The following ANXA6 variants were observed in gnomAD, a reference collection of about 807,000 sequenced individuals.
ANXA6 encodes 67 kDa calelectrin.
In ANXA6, 71 loss-of-function variants were observed where a neutral mutation model predicts 95.4. The observed-to-expected ratio is 0.74, with a 90% CI of 0.61 to 0.91. The LOEUF (loss-of-function observed/expected upper bound fraction) is 0.91, where lower values mean the gene tolerates loss of function less well. Among genes scored for constraint, ANXA6 ranks in the 40% least tolerant of loss-of-function variants. The pLI, the probability that ANXA6 is intolerant of heterozygous loss-of-function variation, is 0.00. For missense variants in ANXA6, 830 were observed against 876.4 expected (o/e 0.95, Z 0.67); for synonymous variants, 289 against 315.9 (o/e 0.91, Z 0.90).
intron 21 of ANXA6, among the ~76,000 whole-genome samples, chr5:151,110,048 C>A (rs2303020): frequency 2.0e-5 from 3 of 152,084 alleles, no homozygotes; most frequent in East Asian, 3.9e-4. Flanking sequence ...CACAAGGACC[C>A]TGTGAACTGA....
intron 2 of ANXA6, among the ~76,000 whole-genome samples, chr5:151,145,129 T>C (rs542841504): frequency 5.9e-5 from 9 of 152,248 alleles, no homozygotes; most frequent in Non-Finnish European, 1.0e-4. Flanking sequence ...CACCCTGAAA[T>C]ATTCAGCAGG....
At chr5:151,153,803 G>A (rs1561588106) in intron 1 of ANXA6, among the ~76,000 whole-genome samples, 1 of 152,156 alleles carries the variant, frequency 6.6e-6, no homozygotes, top group Non-Finnish European at 1.5e-5. Flanking sequence ...CAATACAAAT[G>A]TGTCTTTTGA....
At chr5:151,152,341 T>C (rs771161881) in intron 1 of ANXA6, among the ~76,000 whole-genome samples, 8 of 152,196 alleles carry the variant, frequency 5.3e-5, no homozygotes, top group South Asian at 2.1e-4. Context: ...ACATTTACAA[T>C]GGAGGCAATG....
In ANXA6 at chr5:151,119,882, A is replaced by C. The variant is rs1456471679; in HGVS notation, c.1348-492T>G. Among the ~76,000 whole-genome samples the C allele has an allele frequency of 5.3e-5, 8 of 152,216 alleles. No individual in the cohort carries two copies. In the East Asian group the frequency reaches 9.7e-4, roughly 18 times the overall value. ...AGTTTTGTGCTTAAGATAAAATGCT[A>C]AATTTTTTTTCTTTTGAGACAGAGT... is the stretch of plus-strand genomic sequence containing the variant. On this transcript the variant is annotated intron_variant, in intron 17 of 25. Coordinates refer to ENST00000354546, the MANE Select transcript of ANXA6 (RefSeq NM_001155.5).
At chr5:151,104,035 T>A (rs1764623676) in intron 24 of ANXA6, among the ~76,000 whole-genome samples, 1 of 152,122 alleles carries the variant, frequency 6.6e-6, no homozygotes, top group Non-Finnish European at 1.5e-5. Flanking sequence ...ACCAATATCT[T>A]TAGAAGAGGG....
At chr5:151,116,570 C>T (rs1194343201) in intron 20 of ANXA6, among the ~76,000 whole-genome samples, 1 of 152,242 alleles carries the variant, frequency 6.6e-6, no homozygotes, top group East Asian at 1.9e-4. Flanking sequence ...AACCCTTTTC[C>T]CTGCTATTCA....
chr5:151,117,257 T>A, intron 19 of ANXA6, 77 bp from the exon 20 acceptor site: 1 of 1,385,124 alleles, frequency 7.2e-7, no homozygotes, highest in Non-Finnish European at 9.8e-7. Context: ...CACACCCTGC[T>A]CATTTTCACC....
At chr5:151,120,713 C>T (rs1260233893) in intron 17 of ANXA6, among the ~76,000 whole-genome samples, 19 of 151,662 alleles carry the variant, frequency 1.3e-4, no homozygotes, top group Admixed American at 9.8e-4. Context: ...AGCGAGACTC[C>T]GTCTCAAAAA....
In ANXA6 at chr5:151,128,150, C is replaced by T. The variant is rs755767200; in HGVS notation, c.977+31G>A. 5.0e-6 allele frequency: 8 copies of T among 1,598,570 alleles called. No individual in the cohort carries two copies. In the East Asian group the frequency reaches 1.8e-4, roughly 36 times the overall value. ...CCCCGCCTGGCACCCCAAGGCCATG[C>T]CCTCCAGCCAGGGGCCAAGAAGCCA... On this transcript the variant is annotated intron_variant, in intron 13 of 25. Transcript: ENST00000354546.
At chr5:151,126,555 C>T (rs1765323862) in intron 13 of ANXA6, 75 bp from the exon 14 acceptor site, 6 of 793,568 alleles carry the variant, frequency 7.6e-6, no homozygotes, top group Non-Finnish European at 1.2e-5. Context: ...CACACACACA[C>T]ACACACACAC....
intron 11 of ANXA6, 80 bp downstream of exon 11, chr5:151,131,151 G>T: frequency 6.7e-7 from 1 of 1,481,572 alleles, no homozygotes; most frequent in Non-Finnish European, 9.4e-7. Context: ...GCTCTCTTTG[G>T]CCACTGGATC....
intron 25 of ANXA6, 31 bp downstream of exon 25, chr5:151,103,539 C>A (rs1437274106): frequency 1.3e-6 from 2 of 1,593,580 alleles, no homozygotes; most frequent in Non-Finnish European, 1.7e-6. Context: ...CACTCACCCG[C>A]TTCCTGCTAA....
Position 151,140,137 on chromosome 5 carries a change from G to A in ANXA6, c.109+16C>T. On this transcript the variant is annotated intron_variant, in intron 3 of 25. Transcript: ENST00000354546. ...TGGGGGATACCCCTCAAGCTCCCAT[G>A]AAGCCTGGCACCCACCAAAGCCCTT... is the stretch of plus-strand genomic sequence containing the variant. 2 of 1,613,156 alleles carry A rather than the reference G, an allele frequency of 1.2e-6. No individual in the cohort carries two copies. Among genetic ancestry groups the A allele is most frequent in the Non-Finnish European group, 1.7e-6 (2 of 1,179,310 alleles).
intron 5 of ANXA6, 109 bp downstream of exon 5, chr5:151,138,569 A>G: frequency 1.4e-6 from 1 of 716,684 alleles, no homozygotes; most frequent in Non-Finnish European, 2.5e-6. Context: ...TTGAAGCAGG[A>G]CACATGTGCT....
intron 24 of ANXA6, among the ~76,000 whole-genome samples, chr5:151,103,894 T>C (rs1764620052): frequency 6.6e-6 from 1 of 152,202 alleles, no homozygotes; most frequent in African/African-American, 2.4e-5. Flanking sequence ...AAAAAAGATG[T>C]GTGTGGGTTG....
chr5:151,122,299 C>G, intron 16 of ANXA6, 39 bp from the exon 17 acceptor site: 1 of 1,235,278 alleles, frequency 8.1e-7, no homozygotes, highest in Non-Finnish European at 1.2e-6. Context: ...AACATCAGCA[C>G]TTGCCCACAC....
chr5:151,149,164 G>C (rs1296134359), intron 1 of ANXA6, among the ~76,000 whole-genome samples: 1 of 140,788 alleles, frequency 7.1e-6, no homozygotes, highest in Non-Finnish European at 1.5e-5. Flanking sequence ...CTGGGTGACA[G>C]GGCAAGCCCT....
Position 151,100,941 on chromosome 5 carries a change from T to C in ANXA6, c.*507A>G. 1 of 456,686 alleles carries C rather than the reference T, an allele frequency of 2.2e-6. No individual in the cohort carries two copies. Among genetic ancestry groups the C allele is most frequent in the South Asian group, 1.5e-5 (1 of 64,574 alleles). 28.3% of individuals were successfully genotyped at this position (456,686 alleles called of 1,614,324 possible). A position where few individuals can be genotyped will look rare whatever the true frequency, so the allele number is the denominator to read the frequency against. Reference sequence around the variant, plus strand: ...ATTTGAACCCAGGCATCCAAATTCCTGGTCCAGTACTCTAGCGCGGCCTGG... The same window carrying C: ...ATTTGAACCCAGGCATCCAAATTCCCGGTCCAGTACTCTAGCGCGGCCTGG... On this transcript the variant is annotated 3_prime_UTR_variant, in exon 26 of 26. Transcript: ENST00000354546.
At chr5:151,152,369 C>A (rs1766128499) in intron 1 of ANXA6, among the ~76,000 whole-genome samples, 1 of 152,182 alleles carries the variant, frequency 6.6e-6, no homozygotes, top group African/African-American at 2.4e-5. Flanking sequence ...AGAATCAATG[C>A]AGGATTTGTG....
Sources: allele counts gnomAD v4.1 joint callset (sites outside exome capture counted in the v4.1 genomes callset), GRCh38; gene constraint gnomAD v4.1.1; transcripts MANE v1.5; gene names NCBI Gene and HGNC (gene_info 2026-07-23, HGNC 2026-07-21).